The following ZNF280D variants were observed in gnomAD, a reference collection of about 807,000 sequenced individuals.
ZNF280D encodes suppressor of hairy wing homolog 4.
ZNF280D carries 39 observed loss-of-function variants against 94.7 expected under a neutral mutation model. That is an observed-to-expected ratio of 0.41 (90% CI 0.32 to 0.54). ZNF280D has a LOEUF of 0.54. Among genes scored for constraint, ZNF280D ranks in the 20% least tolerant of loss-of-function variants. The probability of loss-of-function intolerance (pLI) is 0.22; values close to 1 mark genes in which losing one functional copy is unlikely to be tolerated. For synonymous variants in ZNF280D, 398 were observed against 377.6 expected, an observed-to-expected ratio of 1.05 and a Z score of -0.63; for missense variants, 1,090 against 1,149.3, an observed-to-expected ratio of 0.95 and a Z score of 0.75.
intron 12 of ZNF280D, among the ~76,000 whole-genome samples, 154 bp from the exon 13 acceptor site, chr15:56,676,970 C>G (rs755042876): frequency 2.6e-5 from 4 of 152,112 alleles, no homozygotes; most frequent in Non-Finnish European, 5.9e-5. Context: ...AAGGCAACAC[C>G]AAAAGACCAT....
chr15:56,700,216 T>G, intron 6 of ZNF280D: 1 of 954,210 alleles, frequency 1.0e-6, no homozygotes, highest in Non-Finnish European at 1.2e-6. Flanking sequence ...TATGTGTGCA[T>G]ATACATATAA....
intron 6 of ZNF280D, chr15:56,698,790 G>A (rs1306064112): frequency 3.3e-5 from 5 of 152,334 alleles, no homozygotes; most frequent in African/African-American, 9.6e-5. Context: ...GAAGACCTAC[G>A]TGGCAAGGAG....
intron 19 of ZNF280D, chr15:56,653,518 G>C (rs1414804974): frequency 6.6e-7 from 1 of 1,520,738 alleles, no homozygotes; most frequent in Non-Finnish European, 8.8e-7. Context: ...AGAGAGAACA[G>C]GCATCAGTTG....
intron 13 of ZNF280D, among the ~76,000 whole-genome samples, chr15:56,669,892 A>ATATATATATTT (rs1566959775): frequency 0.01 from 99 of 9,686 alleles, 16 homozygotes; most frequent in African/African-American, 0.035. Context: ...TATATATTAT[A>ATATATATATTT]TATATATATA....
chr15:56,667,108 A>T (rs1181230976), intron 14 of ZNF280D, 122 bp from the exon 15 acceptor site: 2 of 661,444 alleles, frequency 3.0e-6, no homozygotes, highest in East Asian at 5.7e-5. Context: ...AACTACAATC[A>T]GGTAAGTCTC....
chr15:56,722,280 A>C (rs2058408357), intron 1 of ZNF280D, among the ~76,000 whole-genome samples: 1 of 152,240 alleles, frequency 6.6e-6, no homozygotes, highest in Non-Finnish European at 1.5e-5. Context: ...AAAAATTACA[A>C]AAATGTGACA....
rs1246741664 is a variant in ZNF280D at position 56,683,587 on chromosome 15, T to C, written c.781-1110A>G. ...TTTGACAAATATCAGGCACCATCTA[T>C]CTATCATTCTTATCTTTACTCCTCC... On this transcript the variant is annotated intron_variant, in intron 9 of 21. Coordinates refer to ENST00000267807, the MANE Select transcript of ZNF280D (RefSeq NM_017661.4). Among the ~76,000 whole-genome samples the C allele has an allele frequency of 2.0e-5, 3 of 152,322 alleles. No individual in the cohort carries two copies. The East Asian group carries it at 5.8e-4, about 29-fold the overall frequency.
intron 6 of ZNF280D, chr15:56,700,437 T>G: frequency 1.2e-6 from 1 of 805,456 alleles, no homozygotes; most frequent in Non-Finnish European, 1.5e-6. Flanking sequence ...AACAGCTCAA[T>G]GAATGTTAAC....
chr15:56,685,370 C>T (rs1266607143), intron 9 of ZNF280D, among the ~76,000 whole-genome samples: 1 of 115,360 alleles, frequency 8.7e-6, no homozygotes, highest in African/African-American at 3.0e-5. Context: ...ACAAAACAAA[C>T]AAAAATGTAA....
chr15:56,731,289 AC>A lies in ZNF280D; in HGVS notation c.-86+2168del, dbSNP rs1283517555. ...AGGCCGAGGCAGGTGGATCACTTGA[AC>A]CCAGGAGTTTGACACCAGCCTAGGT... On this transcript the variant is annotated intron_variant, in intron 1 of 21. Coordinates refer to ENST00000267807, the MANE Select transcript of ZNF280D (RefSeq NM_017661.4). Among the ~76,000 whole-genome samples the A allele has an allele frequency of 3.3e-5, 5 of 151,940 alleles. No homozygotes were observed. The East Asian group carries it at 9.7e-4, about 29-fold the overall frequency.
Position 56,631,566 on chromosome 15 carries a change from G to A in ZNF280D, c.2872C>T (p.Pro958Ser). 1 of 1,614,008 alleles carries A rather than the reference G, an allele frequency of 6.2e-7. No homozygotes were observed. Among genetic ancestry groups the A allele is most frequent in the South Asian group, 1.1e-5 (1 of 91,076 alleles). ...EVVSDQTDDI[P>S]GGNNPSTTEA... ...GTTGTGCTAGGGTTATTTCCTCCAG[G>A]AATGTCATCTGTTTGATCAGACACT... Residue 958 changes from proline (P) to serine (S), a missense_variant, in exon 22 of 22, where the codon CCT becomes TCT. Around this residue, in one of 3 missense-constraint regions of ZNF280D, gnomAD observed 577 missense variants for 568.8 expected, o/e 1.01. Transcript: ENST00000267807.
chr15:56,634,834 T>G (rs2052271295), intron 21 of ZNF280D, among the ~76,000 whole-genome samples: 1 of 152,056 alleles, frequency 6.6e-6, no homozygotes, highest in African/African-American at 2.4e-5. Context: ...TAAAAAATCT[T>G]AAGATTACCT....
intron 1 of ZNF280D, among the ~76,000 whole-genome samples, chr15:56,725,731 T>C (rs1262287166): frequency 6.6e-6 from 1 of 151,950 alleles, no homozygotes; most frequent in African/African-American, 2.4e-5. Flanking sequence ...TAAATTACTA[T>C]GCTAGCTGGT....
intron 17 of ZNF280D, among the ~76,000 whole-genome samples, chr15:56,655,750 T>A (rs537520793): frequency 6.6e-6 from 1 of 152,344 alleles, no homozygotes; most frequent in African/African-American, 2.4e-5. Context: ...TTTTAAAATA[T>A]TAAGCCTGTA....
intron 13 of ZNF280D, among the ~76,000 whole-genome samples, chr15:56,672,225 G>C (rs542384970): frequency 6.6e-6 from 1 of 152,240 alleles, no homozygotes; most frequent in Non-Finnish European, 1.5e-5. Flanking sequence ...TGTTGAATAG[G>C]AGTGGTGAGA....
rs546803367 is a variant in ZNF280D at position 56,631,351 on chromosome 15, C to T, written c.*147G>A. The T allele has an allele frequency of 1.7e-5, 14 of 818,194 alleles. No individual in the cohort carries two copies. The African/African-American group carries it at 2.4e-4, about 14-fold the overall frequency. The allele number at this position is 818,194 out of a possible 1,614,324, so 50.7% of individuals were successfully genotyped here. On this transcript the variant is annotated 3_prime_UTR_variant, in exon 22 of 22. Coordinates refer to ENST00000267807, the MANE Select transcript of ZNF280D (RefSeq NM_017661.4). ...ATTGGTGAATTGATTTGTTTGATAACATAGGTTGAACATACAGGTAAAGTG... is the reference window on the plus strand; with the variant it reads ...ATTGGTGAATTGATTTGTTTGATAATATAGGTTGAACATACAGGTAAAGTG...
intron 21 of ZNF280D, among the ~76,000 whole-genome samples, chr15:56,633,666 T>C (rs1425898112): frequency 6.6e-6 from 1 of 151,882 alleles, no homozygotes; most frequent in African/African-American, 2.4e-5. Context: ...AATTTTTATA[T>C]TTTTAGTAGA....
At chr15:56,698,491 C>A (rs560433788) in intron 6 of ZNF280D, 4 of 152,154 alleles carry the variant, frequency 2.6e-5, no homozygotes, top group Non-Finnish European at 5.9e-5. Flanking sequence ...GAAATGTTTG[C>A]CAAACAATCA....
chr15:56,730,898 G>A (rs2058849930), intron 1 of ZNF280D, among the ~76,000 whole-genome samples: 2 of 152,122 alleles, frequency 1.3e-5, no homozygotes, highest in Non-Finnish European at 1.5e-5. Flanking sequence ...GCTAATTGCA[G>A]AAGGAAATGC....
Sources: gnomAD v4.1 joint callset for allele counts (sites outside exome capture counted in the v4.1 genomes callset) on GRCh38, gnomAD v4.1.1 for gene constraint, gnomAD v4.1.1 regional missense constraint, MANE v1.5 for transcripts, NCBI Gene and HGNC (gene_info 2026-07-23, HGNC 2026-07-21) for gene names.